SOX6: variants seen among roughly 807,000 people sequenced by gnomAD.
The protein encoded by SOX6 is SRY-box transcription factor 6, also known as transcription factor SOX-6.
Under a neutral mutation model 97.8 loss-of-function variants are expected in SOX6, and 11 were observed. The ratio of observed to expected loss-of-function variants is 0.11; its 90% CI spans 0.07 to 0.19. The LOEUF is 0.19. Ranked by LOEUF, SOX6 falls within the 10% of genes least tolerant of loss-of-function variation. The probability of loss-of-function intolerance (pLI) is 1.00; values close to 1 mark genes in which losing one functional copy is unlikely to be tolerated. For synonymous variants in SOX6, 360 were observed against 371.4 expected (o/e 0.97, Z 0.35); for missense variants, 810 against 1,039.5 (o/e 0.78, Z 3.04).
intron 13 of SOX6, among the ~76,000 whole-genome samples, chr11:16,011,130 C>T (rs1344777524): frequency 6.6e-6 from 1 of 152,044 alleles, no homozygotes; most frequent in African/African-American, 2.4e-5. Flanking sequence ...AAGAATTGCA[C>T]TCTTGCCTAA....
chr11:16,034,644 C>G (rs1191141807), intron 12 of SOX6, among the ~76,000 whole-genome samples: 1 of 152,160 alleles, frequency 6.6e-6, no homozygotes, highest in Non-Finnish European at 1.5e-5. Flanking sequence ...TGAAAATAAT[C>G]AAGTATAGTA....
chr11:16,705,012 CTT>C (rs956944569), intron 3 of SOX6, among the ~76,000 whole-genome samples: 1 of 152,164 alleles, frequency 6.6e-6, no homozygotes, highest in Admixed American at 6.5e-5. Context: ...AATCCCAACA[CTT>C]TGGGAGGCTG....
chr11:16,354,478 G>C (rs1010701584), intron 1 of SOX6, among the ~76,000 whole-genome samples: 9 of 151,936 alleles, frequency 5.9e-5, no homozygotes, highest in Non-Finnish European at 1.0e-4. Flanking sequence ...AAAAAGCACA[G>C]GGTAAAAATA....
At chr11:16,588,147 T>G (rs1848115178) in intron 4 of SOX6, among the ~76,000 whole-genome samples, 1 of 152,196 alleles carries the variant, frequency 6.6e-6, no homozygotes, top group Non-Finnish European at 1.5e-5. Flanking sequence ...TTAAATTAAA[T>G]TCCTAGCATT....
At chr11:15,997,554 A>G (rs1026683295) in intron 13 of SOX6, among the ~76,000 whole-genome samples, 1 of 152,250 alleles carries the variant, frequency 6.6e-6, no homozygotes, top group African/African-American at 2.4e-5. Context: ...AGCTCATTAC[A>G]TTAACAGAAC....
intron 1 of SOX6, among the ~76,000 whole-genome samples, chr11:16,344,760 CT>C (rs1856731967): frequency 6.6e-6 from 1 of 151,718 alleles, no homozygotes; most frequent in Admixed American, 6.6e-5. Flanking sequence ...TGTGACTTTA[CT>C]TTGTTTTATT....
At position 16,549,945 on chromosome 11, in the gene SOX6, C is replaced by A. The variant is rs192768570; in HGVS notation, n.609+62136G>T. Among the ~76,000 whole-genome samples the A allele has an allele frequency of 1.4e-3, 213 of 152,206 alleles. 3 individuals carry two copies. The highest frequency in any genetic ancestry group is 4.5e-3 in the African/African-American group (187 of 41,530). ...CAGTGGTTGTCAGGGGTATGAGTGA[C>A]AGGCTGACTACAAAGGGGCATGGAA... On this transcript the variant is annotated intron_variant and non_coding_transcript_variant, in intron 4 of 5. Coordinates refer to the SOX6 transcript ENST00000524520.
At position 15,983,800 on chromosome 11, in the gene SOX6, C is replaced by T. The variant is rs1202754423; in HGVS notation, c.2183+2404G>A. Among the ~76,000 whole-genome samples the T allele has an allele frequency of 3.3e-5, 5 of 152,122 alleles. No homozygotes were observed. In the East Asian group the frequency reaches 9.7e-4, roughly 29 times the overall value. On this transcript the variant is annotated intron_variant, in intron 15 of 15. Coordinates refer to ENST00000683767, the MANE Select transcript of SOX6 (RefSeq NM_001367873.1). The stretch of plus-strand genomic sequence containing the variant: ...CCCTATTCTGCAGTCTAAAATGATC[C>T]TTCCATAAAGGACTGTTCTACACTA...
At chr11:16,477,407 T>C (rs1470716903), upstream of SOX6, among the ~76,000 whole-genome samples, 5 of 152,194 alleles carry the variant, frequency 3.3e-5, no homozygotes, top group Non-Finnish European at 7.3e-5. Context: ...CAACTTGCAA[T>C]TATAGCACAA....
chr11:16,456,814 G>A (rs1292993452), intron 1 of SOX6, among the ~76,000 whole-genome samples: 1 of 152,016 alleles, frequency 6.6e-6, no homozygotes, highest in Non-Finnish European at 1.5e-5. Flanking sequence ...CTCCAGTGAA[G>A]AAATAAAAGA....
In SOX6 at chr11:16,105,270, A is replaced by G. The variant is rs549552344; in HGVS notation, c.898+6533T>C. ...AGCATTACATTAATAGAACAAAGGG[A>G]AAAAAAAACCAACATGATCATCTCA... On this transcript the variant is annotated intron_variant, in intron 7 of 15. Coordinates refer to ENST00000683767, the MANE Select transcript of SOX6 (RefSeq NM_001367873.1). Among the ~76,000 whole-genome samples the G allele has an allele frequency of 1.8e-4, 27 of 151,020 alleles. No individual in the cohort carries two copies. The South Asian group carries it at 2.9e-3, about 16-fold the overall frequency.
intron 2 of SOX6, among the ~76,000 whole-genome samples, chr11:16,329,831 T>C (rs1272490153): frequency 6.6e-6 from 1 of 152,208 alleles, no homozygotes; most frequent in Non-Finnish European, 1.5e-5. Context: ...AAGTGGTCCA[T>C]TCCATTTTTG....
chr11:16,164,483 C>T (rs1163145373), intron 6 of SOX6, among the ~76,000 whole-genome samples: 1 of 152,098 alleles, frequency 6.6e-6, no homozygotes, highest in Non-Finnish European at 1.5e-5. Context: ...CAACTGTTCT[C>T]GCATTTTAAA....
At chr11:16,640,113 G>C (rs1174907896) in intron 3 of SOX6, among the ~76,000 whole-genome samples, 3 of 152,164 alleles carry the variant, frequency 2.0e-5, no homozygotes, top group Non-Finnish European at 4.4e-5. Flanking sequence ...AGAGTTTTTA[G>C]TATGAAGGGC....
At chr11:16,280,887 CTTAA>C (rs1306104623) in intron 3 of SOX6, among the ~76,000 whole-genome samples, 4 of 152,092 alleles carry the variant, frequency 2.6e-5, no homozygotes, top group Non-Finnish European at 2.9e-5. Context: ...ATTCCTTTGC[CTTAA>C]TTATCGTTTT....
At chr11:16,063,565 A>G (rs1314777203) in intron 9 of SOX6, among the ~76,000 whole-genome samples, 4 of 103,526 alleles carry the variant, frequency 3.9e-5, no homozygotes, top group African/African-American at 1.4e-4. Context: ...CCTGCTTTCT[A>G]TGATACAATC....
chr11:16,575,329 T>C (rs1295937354), intron 4 of SOX6, among the ~76,000 whole-genome samples: 1 of 152,138 alleles, frequency 6.6e-6, no homozygotes, highest in Non-Finnish European at 1.5e-5. Flanking sequence ...TGAAAAGAGT[T>C]TCACATTATC....
chr11:16,550,864 C>T (rs1023152161), intron 4 of SOX6, among the ~76,000 whole-genome samples: 1 of 151,972 alleles, frequency 6.6e-6, no homozygotes, highest in Non-Finnish European at 1.5e-5. Context: ...AACAGTGGAG[C>T]TGAAACAAAA....
At chr11:16,674,097 G>A (rs964543076) in intron 3 of SOX6, among the ~76,000 whole-genome samples, 4 of 145,988 alleles carry the variant, frequency 2.7e-5, no homozygotes, top group African/African-American at 1.0e-4. Flanking sequence ...GGCTGAGGCA[G>A]GAAAATGGTG....
Sources: allele counts gnomAD v4.1 joint callset (sites outside exome capture counted in the v4.1 genomes callset), GRCh38; gene constraint gnomAD v4.1.1; transcripts MANE v1.5; gene names NCBI Gene and HGNC (gene_info 2026-07-23, HGNC 2026-07-21).